CNTNAP3: variants seen among roughly 807,000 people sequenced by gnomAD.
The protein encoded by CNTNAP3 is contactin associated protein family member 3.
CNTNAP3 carries 36 observed loss-of-function variants against 92.1 expected under a neutral mutation model. That is an observed-to-expected ratio of 0.39 (90% CI 0.30 to 0.52). The LOEUF (loss-of-function observed/expected upper bound fraction) is 0.52, where lower values mean the gene tolerates loss of function less well. CNTNAP3 is among the 20% of genes least tolerant of loss of function. The pLI is 0.76. For synonymous variants in CNTNAP3, 232 were observed against 422.3 expected, an observed-to-expected ratio of 0.55 and a Z score of 5.53; for missense variants, 534 against 1,069.6, an observed-to-expected ratio of 0.50 and a Z score of 6.98.
Position 39,113,540 on chromosome 9 carries a change from T to C in CNTNAP3, c.2238-4253A>G, listed in dbSNP as rs369135502. Among the ~76,000 whole-genome samples, 160 of 151,720 alleles carry C rather than the reference T, an allele frequency of 1.1e-3. 3 individuals carry two copies. The East Asian group carries it at 0.028, about 27-fold the overall frequency. On this transcript the variant is annotated intron_variant, in intron 14 of 23. Transcript: ENST00000297668. ...TCTTTATATTATTTTGGATTTTCTATGTAGGCAATCATATTATCTACAATA... is the reference window on the plus strand; with the variant it reads ...TCTTTATATTATTTTGGATTTTCTACGTAGGCAATCATATTATCTACAATA...
At chr9:39,075,730 A>T (rs1268510114) in intron 23 of CNTNAP3, among the ~76,000 whole-genome samples, 14 of 152,404 alleles carry the variant, frequency 9.2e-5, no homozygotes, top group Non-Finnish European at 1.9e-4. Flanking sequence ...ATTGCTTTCC[A>T]TTGTCCTGTC....
intron 10 of CNTNAP3, 80 bp downstream of exon 10, chr9:39,149,726 A>C (rs1397678726): frequency 1.4e-6 from 1 of 732,780 alleles, no homozygotes; most frequent in Non-Finnish European, 2.3e-6. Context: ...AGAGAACGGA[A>C]TGCCTTTTTC....
chr9:39,071,652 A>T lies in CNTNAP3; in HGVS notation c.*2238T>A, dbSNP rs1246865257. ...GTTTAGTGACTTAATTCTCTGCAAC[A>T]GTAAAAAGTACTCAATTTAGATTTT... On this transcript the variant is annotated 3_prime_UTR_variant, in exon 24 of 24. Coordinates refer to ENST00000297668, the MANE Select transcript of CNTNAP3 (RefSeq NM_033655.5). Among the ~76,000 whole-genome samples the T allele has an allele frequency of 6.6e-6, 1 of 151,948 alleles. No homozygotes were observed.
At chr9:39,238,546 A>AAAAC (rs1330456377) in intron 3 of CNTNAP3, among the ~76,000 whole-genome samples, 236 of 5,026 alleles carry the variant, frequency 0.047, 110 homozygotes, top group African/African-American at 0.048. Flanking sequence ...AAAAAAACAA[A>AAAAC]AAACAAAAAA....
intron 12 of CNTNAP3, among the ~76,000 whole-genome samples, chr9:39,138,073 T>C (rs149776525): frequency 0.048 from 6,767 of 141,830 alleles, 490 homozygotes; most frequent in African/African-American, 0.14. Flanking sequence ...GTTGTTGTTG[T>C]AGAGGTGGGG....
In CNTNAP3 at chr9:39,161,820, A is replaced by T. The variant is rs577099246; in HGVS notation, c.1477+4113T>A. ...GTCATTGCACTCCAGCCTGGGCAAC[A>T]GGTGAGACTGACTCTAAAGTCTCAA... On this transcript the variant is annotated intron_variant, in intron 9 of 23. Coordinates refer to ENST00000297668, the MANE Select transcript of CNTNAP3 (RefSeq NM_033655.5). 5.4e-5 allele frequency among the ~76,000 whole-genome samples: 6 copies of T among 111,912 alleles called. No homozygotes were observed. The South Asian group carries it at 1.5e-3, about 28-fold the overall frequency. 73.4% of individuals were successfully genotyped at this position (111,912 alleles called of 152,430 possible).
rs191666014 is a variant in CNTNAP3, at chr9:39,072,387, T to C, written c.*1503A>G. ...CTGGAATATGAAGAGTGTAGCATCATTGCTTTTATGTAATTGGTTTATTGA... is the reference window on the plus strand; with the variant it reads ...CTGGAATATGAAGAGTGTAGCATCACTGCTTTTATGTAATTGGTTTATTGA... On this transcript the variant is annotated 3_prime_UTR_variant, in exon 24 of 24. Transcript: ENST00000297668. Among the ~76,000 whole-genome samples, 6 of 149,614 alleles carry C rather than the reference T, an allele frequency of 4.0e-5. No individual in the cohort carries two copies. The highest frequency in any genetic ancestry group is 1.3e-4 in the Admixed American group (2 of 15,054).
intron 13 of CNTNAP3, among the ~76,000 whole-genome samples, chr9:39,119,989 A>G (rs1820970429): frequency 1.3e-5 from 2 of 152,326 alleles, no homozygotes; most frequent in African/African-American, 4.8e-5. Flanking sequence ...AGACAATATC[A>G]TCCGAATCTC....
chr9:39,137,612 A>T (rs1342943444), intron 12 of CNTNAP3, among the ~76,000 whole-genome samples: 2 of 151,880 alleles, frequency 1.3e-5, no homozygotes, highest in East Asian at 1.9e-4. Flanking sequence ...TCCCGGATTC[A>T]TGCCATTCTT....
chr9:39,103,052 C>T (rs1483067977), intron 16 of CNTNAP3, among the ~76,000 whole-genome samples: 1 of 151,998 alleles, frequency 6.6e-6, no homozygotes, highest in African/African-American at 2.4e-5. Flanking sequence ...ATTTTATTTA[C>T]AAACGGCTCA....
At chr9:39,114,434 G>C (rs1820805187) in intron 14 of CNTNAP3, among the ~76,000 whole-genome samples, 1 of 152,116 alleles carries the variant, frequency 6.6e-6, no homozygotes, top group South Asian at 2.1e-4. Flanking sequence ...AGTGTAGTGA[G>C]ATCTTTCTAG....
At chr9:39,108,110 T>C (rs1240455980) in intron 15 of CNTNAP3, among the ~76,000 whole-genome samples, 1 of 152,030 alleles carries the variant, frequency 6.6e-6, no homozygotes, top group Non-Finnish European at 1.5e-5. Context: ...AGCATGAGTG[T>C]CAGAATATTT....
At chr9:39,132,528 G>A (rs540324168) in intron 13 of CNTNAP3, among the ~76,000 whole-genome samples, 1 of 152,246 alleles carries the variant, frequency 6.6e-6, no homozygotes, top group Non-Finnish European at 1.5e-5. Flanking sequence ...GGAAACAAAC[G>A]TTCCAGGTAG....
At chr9:39,137,680 T>A (rs1821476309) in intron 12 of CNTNAP3, among the ~76,000 whole-genome samples, 1 of 151,052 alleles carries the variant, frequency 6.6e-6, no homozygotes, top group African/African-American at 2.4e-5. Flanking sequence ...GCCCAGCTAA[T>A]TTTTTTTGTA....
At position 39,068,926 on chromosome 9, in the gene CNTNAP3, A is replaced by G. The variant is rs1825574794; in HGVS notation, c.*4964T>C. ...TGTCTGGTTTGAGGTTGTTTCATGC[A>G]GGAGGGTTAGAGGGTAAATATGCTC... On this transcript the variant is annotated 3_prime_UTR_variant, in exon 24 of 24. Transcript: ENST00000297668. Among the ~76,000 whole-genome samples, 1 of 152,310 alleles carries G rather than the reference A, an allele frequency of 6.6e-6. No homozygotes were observed. The highest frequency in any genetic ancestry group is 6.5e-5 in the Admixed American group (1 of 15,294).
At chr9:39,134,456 G>A (rs1439996182) in intron 12 of CNTNAP3, among the ~76,000 whole-genome samples, 8 of 151,106 alleles carry the variant, frequency 5.3e-5, no homozygotes, top group Admixed American at 1.3e-4. Context: ...TAAGAGTCTC[G>A]CTCTGTTGCC....
intron 21 of CNTNAP3, 72 bp downstream of exon 21, chr9:39,085,664 T>G: frequency 8.2e-7 from 1 of 1,216,174 alleles, no homozygotes; most frequent in Non-Finnish European, 1.2e-6. Flanking sequence ...AGGAGCTTCT[T>G]TCAGCATGAT....
intron 11 of CNTNAP3, among the ~76,000 whole-genome samples, chr9:39,142,479 C>G (rs1216136749): frequency 6.6e-6 from 1 of 151,868 alleles, no homozygotes; most frequent in Non-Finnish European, 1.5e-5. Context: ...GAGACCATCC[C>G]GGCTAACATG....
intron 18 of CNTNAP3, among the ~76,000 whole-genome samples, chr9:39,098,753 G>T (rs1391174965): frequency 6.6e-6 from 1 of 152,040 alleles, no homozygotes; most frequent in Non-Finnish European, 1.5e-5. Flanking sequence ...TCTAGATAAT[G>T]AATCCTCAAA....
Sources: allele counts gnomAD v4.1 joint callset (sites outside exome capture counted in the v4.1 genomes callset), GRCh38; gene constraint gnomAD v4.1.1; transcripts MANE v1.5; gene names NCBI Gene and HGNC (gene_info 2026-07-23, HGNC 2026-07-21).